API5: variants seen among roughly 807,000 people sequenced by gnomAD.
API5 encodes the protein apoptosis inhibitor 5, also known as FIF.
In API5, 6 loss-of-function variants were observed where a neutral mutation model predicts 71.9. That is an observed-to-expected ratio of 0.08 (90% CI 0.05 to 0.16). The LOEUF (loss-of-function observed/expected upper bound fraction) is 0.16, where lower values mean the gene tolerates loss of function less well. Ranked by LOEUF, API5 falls within the 10% of genes least tolerant of loss-of-function variation. The probability of loss-of-function intolerance (pLI) is 1.00; values close to 1 mark genes in which losing one functional copy is unlikely to be tolerated. For missense variants in API5, 332 were observed against 612.8 expected (o/e 0.54, Z 4.84); for synonymous variants, 189 against 221.3 (o/e 0.85, Z 1.30).
chr11:43,331,359 A>G (rs1288409040), intron 11 of API5: 1 of 153,270 alleles, frequency 6.5e-6, no homozygotes, highest in African/African-American at 2.4e-5. Flanking sequence ...GGCTTTATAA[A>G]AAATCATTTT....
At position 43,330,535 on chromosome 11, in the gene API5, A is replaced by G. The variant is rs1460513011; in HGVS notation, c.1249A>G (p.Ile417Val). Residue 417 changes from isoleucine to valine, a missense_variant, in exon 11 of 14, where the codon ATA becomes GTA. Ile to Val is a conservative substitution (Grantham distance 29, BLOSUM62 3). This residue lies in a region of API5 where 168 missense variants were observed against 343.9 expected (regional missense o/e 0.49). Transcript: ENST00000531273. The stretch of plus-strand genomic sequence containing the variant: ...CAAGATTAAAGTCGTTGCATTGAAA[A>G]TAACAAACAATATCAATGTTTTAAT... ...ENKIKVVALK[I>V]TNNINVLIKD... 2 of 1,599,374 alleles carry G rather than the reference A, an allele frequency of 1.3e-6. No homozygotes were observed. Among genetic ancestry groups the G allele is most frequent in the Admixed American group, 1.7e-5 (1 of 59,764 alleles).
At chr11:43,329,830 T>C (rs1855194311) in intron 9 of API5, 135 bp from the exon 10 acceptor site, 1 of 683,880 alleles carries the variant, frequency 1.5e-6, no homozygotes, top group Non-Finnish European at 2.4e-6. Context: ...AACAAGCAAC[T>C]TAAAATTCTC....
chr11:43,342,225 G>A (rs1320953307), intron 13 of API5, among the ~76,000 whole-genome samples: 1 of 152,208 alleles, frequency 6.6e-6, no homozygotes, highest in Non-Finnish European at 1.5e-5. Flanking sequence ...CATGAATGTA[G>A]TCGGTACCTT....
In API5 at chr11:43,342,429, G is replaced by A; in HGVS notation, c.1494G>A (p.Glu498=). 4 of 1,603,670 alleles carry A rather than the reference G, an allele frequency of 2.5e-6. No individual in the cohort carries two copies. Among genetic ancestry groups the A allele is most frequent in the Non-Finnish European group, 3.4e-6 (4 of 1,175,104 alleles). The change falls in exon 14 of 14, where the codon GAG becomes GAA. Residue 498 remains glutamate, a splice_region_variant and synonymous_variant. Transcript: ENST00000531273. ...AAACCCTTGTTCGCTTTTTCGTAGA[G>A]CAGAGAGGAGCCTTCAGGGGAAGTA... ...YSSNLGNFNY[E]QRGAFRGSRG... is the part of the protein sequence containing the mutation.
At position 43,342,922 on chromosome 11, in the gene API5, A is replaced by G; in HGVS notation, c.*412A>G. 1 of 436,476 alleles carries G rather than the reference A, an allele frequency of 2.3e-6. No individual in the cohort carries two copies. The highest frequency in any genetic ancestry group is 4.1e-6 in the Non-Finnish European group (1 of 246,128). The allele number at this position is 436,476 out of a possible 1,614,324, so 27.0% of individuals were successfully genotyped here. A position where few individuals can be genotyped will look rare whatever the true frequency, so the allele number is the denominator to read the frequency against. ...TTAGTTTTTTACCCAATATATGGAG[A>G]AGAGTAATGGTCAATCTTAACATTT... On this transcript the variant is annotated 3_prime_UTR_variant, in exon 14 of 14. Transcript: ENST00000531273.
chr11:43,313,978 A>G (rs1051997756), intron 1 of API5, among the ~76,000 whole-genome samples: 1 of 152,040 alleles, frequency 6.6e-6, no homozygotes, highest in Non-Finnish European at 1.5e-5. Flanking sequence ...AGTCCCAGCT[A>G]TTTGGGAGGC....
chr11:43,318,879 G>C (rs2270573), intron 2 of API5, 78 bp downstream of exon 2: 130,171 of 1,404,256 alleles, frequency 0.093, 7,592 homozygotes, highest in Admixed American at 0.28. Flanking sequence ...GTAGCAATCT[G>C]ATATATCAGA....
chr11:43,327,872 G>C lies in API5; in HGVS notation c.939G>C (p.Lys313Asn), dbSNP rs1855126391. Reference sequence around the variant, plus strand: ...CAAATTTAAGGAAACTATTTGATAAGTTATTGGTAAGAACTTTTTCCTTTC... The same window carrying C: ...CAAATTTAAGGAAACTATTTGATAACTTATTGGTAAGAACTTTTTCCTTTC... ...LETNLRKLFD[K>N]LLEYMPLPPE... Residue 313 changes from lysine (K) to asparagine (N), a missense_variant, in exon 8 of 14, where the codon AAG (lysine) becomes AAC (asparagine). Lys to Asn is a moderately conservative substitution (Grantham distance 94). Transcript: ENST00000531273. The C allele has an allele frequency of 1.9e-6, 3 of 1,608,516 alleles. No homozygotes were observed. The East Asian group carries it at 6.7e-5, about 36-fold the overall frequency.
chr11:43,341,591 G>A (rs1463592037), intron 13 of API5, among the ~76,000 whole-genome samples: 6 of 152,112 alleles, frequency 3.9e-5, no homozygotes, highest in Admixed American at 3.9e-4. Flanking sequence ...GAGAAGATAG[G>A]GGGAAGGAAG....
Position 43,328,758 on chromosome 11 carries a change from C to G in API5, c.992C>G (p.Ala331Gly). The G allele has an allele frequency of 6.2e-7, 1 of 1,613,860 alleles. No homozygotes were observed. Among genetic ancestry groups the G allele is most frequent in the Non-Finnish European group, 8.5e-7 (1 of 1,179,860 alleles). Reference protein sequence around the residue: ...PPEEAENGENAGNEEPKLQFS... With the variant: ...PPEEAENGENGGNEEPKLQFS... ...GAAGAGGCAGAAAATGGAGAGAATG[C>G]TGGTAATGAAGAACCCAAGCTACAG... The change falls in exon 9 of 14, where the codon GCT (alanine) becomes GGT (glycine). Residue 331 changes from alanine (A) to glycine (G), a missense_variant. Around this residue, in one of 3 missense-constraint regions of API5, gnomAD observed 168 missense variants for 343.9 expected, o/e 0.49. Coordinates refer to ENST00000531273, the MANE Select transcript of API5 (RefSeq NM_001142930.2).
chr11:43,314,805 T>C (rs371684995), intron 1 of API5, among the ~76,000 whole-genome samples: 6 of 152,318 alleles, frequency 3.9e-5, no homozygotes, highest in African/African-American at 1.4e-4. Context: ...TTCTCCCCTT[T>C]TAGATAAAAT....
At chr11:43,340,246 G>C (rs1207031694) in intron 13 of API5, 1 of 350,554 alleles carries the variant, frequency 2.9e-6, no homozygotes, top group Non-Finnish European at 5.5e-6. Flanking sequence ...TTCTATACAA[G>C]GAAAACTACA....
chr11:43,318,350 G>C (rs1854748941), intron 1 of API5: 4 of 1,352,240 alleles, frequency 3.0e-6, no homozygotes, highest in Non-Finnish European at 4.0e-6. Context: ...CATGGCCAGA[G>C]TTAATAATCA....
intron 1 of API5, among the ~76,000 whole-genome samples, chr11:43,318,091 C>A (rs1254224981): frequency 6.6e-6 from 1 of 152,132 alleles, no homozygotes; most frequent in Admixed American, 6.5e-5. Flanking sequence ...CTCACTGCAA[C>A]CTCCGCTTCC....
intron 2 of API5, among the ~76,000 whole-genome samples, chr11:43,319,802 G>T (rs1708454997): frequency 6.6e-6 from 1 of 152,136 alleles, no homozygotes; most frequent in African/African-American, 2.4e-5. Context: ...GTTGTATTTA[G>T]TAGTCAATAC....
At chr11:43,336,837 T>C (rs1309901704) in intron 13 of API5, among the ~76,000 whole-genome samples, 2 of 151,310 alleles carry the variant, frequency 1.3e-5, no homozygotes, top group Non-Finnish European at 2.9e-5. Context: ...TGAAACCCCG[T>C]CTCTACTAAA....
chr11:43,323,393 ATGAACATACTCTTATTC>A lies in API5; in HGVS notation c.544-32_544-16del. 6.5e-7 allele frequency: 1 copy of A among 1,538,276 alleles called. No homozygotes were observed. The highest frequency in any genetic ancestry group is 9.0e-7 in the Non-Finnish European group (1 of 1,112,118). On this transcript the variant is annotated intron_variant, in intron 5 of 13. Transcript: ENST00000531273. ...AGTGTTGATCTGTCCCATTCAAATG[ATGAACATACTCTTATTC>A]TGAATTGTCTCTTTTCCAGGTCCTA...
intron 13 of API5, chr11:43,339,431 G>C (rs1397501107): frequency 6.6e-6 from 1 of 152,176 alleles, no homozygotes; most frequent in African/African-American, 2.4e-5. Flanking sequence ...TTAATGAAGA[G>C]ATTTGATCTC....
chr11:43,333,236 A>G (rs113562192), intron 11 of API5, among the ~76,000 whole-genome samples: 1,550 of 152,312 alleles, frequency 0.01, 29 homozygotes, highest in African/African-American at 0.035. Context: ...GTATTTGCGT[A>G]TAACCTACAC....
Sources: allele counts gnomAD v4.1 joint callset (sites outside exome capture counted in the v4.1 genomes callset), GRCh38; gene constraint gnomAD v4.1.1; regional missense constraint gnomAD v4.1.1; transcripts MANE v1.5; gene names NCBI Gene and HGNC (gene_info 2026-07-23, HGNC 2026-07-21).